Variants in CBLN2 observed in about 807,000 individuals in gnomAD.
CBLN2 encodes cerebellin 2 precursor.
Under a neutral mutation model 15.0 loss-of-function variants are expected in CBLN2, and 7 were observed. That is an observed-to-expected ratio of 0.47 (90% confidence interval 0.27 to 0.88). CBLN2 has a LOEUF of 0.88. Ranked by LOEUF, CBLN2 falls within the 40% of genes least tolerant of loss-of-function variation. The probability of loss-of-function intolerance (pLI) is 0.14; values close to 1 mark genes in which losing one functional copy is unlikely to be tolerated. For synonymous variants in CBLN2, 149 were observed against 135.2 expected (o/e 1.10, Z -0.71); for missense variants, 242 against 304.5 (o/e 0.79, Z 1.53).
chr18:72,630,017 G>A (rs145165201), intron 1 of CBLN2, among the ~76,000 whole-genome samples: 2,498 of 152,194 alleles, frequency 0.016, 37 homozygotes, highest in Non-Finnish European at 0.027. Context: ...TGCTTAAAAA[G>A]GGAAAACAAA....
chr18:72,572,838 ATTG>A (rs1245469493), intron 1 of CBLN2, among the ~76,000 whole-genome samples: 26 of 152,036 alleles, frequency 1.7e-4, no homozygotes, highest in African/African-American at 2.4e-4. Context: ...ACAAAAAATG[ATTG>A]TTATTTTTAT....
chr18:72,544,427 C>T (rs1353258877), upstream of CBLN2: 3 of 152,148 alleles, frequency 2.0e-5, no homozygotes, highest in East Asian at 1.9e-4. Flanking sequence ...CGCTGGGTTT[C>T]CCAGCTGCGC....
chr18:72,560,542 G>A (rs1410030588), intron 1 of CBLN2, among the ~76,000 whole-genome samples: 3 of 152,236 alleles, frequency 2.0e-5, no homozygotes, highest in East Asian at 1.9e-4. Context: ...AGACTCATTC[G>A]CAAATTGCTC....
chr18:72,630,656 C>T (rs539501042), intron 1 of CBLN2, among the ~76,000 whole-genome samples: 78 of 151,142 alleles, frequency 5.2e-4, no homozygotes, highest in Non-Finnish European at 5.7e-4. Flanking sequence ...GGACACTTAG[C>T]CTGTTGACAG....
chr18:72,614,479 C>A (rs1452608584), intron 1 of CBLN2, among the ~76,000 whole-genome samples: 2 of 151,952 alleles, frequency 1.3e-5, no homozygotes, highest in African/African-American at 4.8e-5. Context: ...TTTTGGTGTA[C>A]ATTAGGACTT....
Position 72,538,683 on chromosome 18 carries a change from C to A in CBLN2, c.447G>T (p.Val149=). The A allele has an allele frequency of 6.2e-7, 1 of 1,613,948 alleles. No individual in the cohort carries two copies. The highest frequency in any genetic ancestry group is 8.5e-7 in the Non-Finnish European group (1 of 1,179,982). Residue 149 remains valine (V), a synonymous_variant, in exon 4 of 5, where the codon GTG becomes GTT. Coordinates refer to ENST00000269503, the MANE Select transcript of CBLN2 (RefSeq NM_182511.4). ...TGGTTTGTCTGTTATACACTTTGAC[C>A]ACGTGGAAGCTGAAGCTATAAATCC... ...RKGIYSFSFH[V]VKVYNRQTIQ... is the part of the protein sequence containing the mutation.
intron 1 of CBLN2, among the ~76,000 whole-genome samples, chr18:72,553,110 T>A (rs2069201376): frequency 6.6e-6 from 1 of 152,172 alleles, no homozygotes; most frequent in African/African-American, 2.4e-5. Flanking sequence ...TTTTACAGAA[T>A]GGATTACACA....
chr18:72,573,373 G>T (rs1568120837), intron 1 of CBLN2, among the ~76,000 whole-genome samples: 1 of 152,156 alleles, frequency 6.6e-6, no homozygotes, highest in African/African-American at 2.4e-5. Flanking sequence ...AAAACAGTAG[G>T]AGTGTCACAC....
At chr18:72,595,004 GT>G (rs892285036) in intron 1 of CBLN2, among the ~76,000 whole-genome samples, 88 of 130,792 alleles carry the variant, frequency 6.7e-4, no homozygotes, top group African/African-American at 8.7e-4. Context: ...TTTGTATTGT[GT>G]TTTTTTTTTC....
chr18:72,610,293 T>C (rs944629052), intron 1 of CBLN2, among the ~76,000 whole-genome samples: 1 of 152,134 alleles, frequency 6.6e-6, no homozygotes, highest in Non-Finnish European at 1.5e-5. Flanking sequence ...TGCAGTGCTG[T>C]TCTCTAGGGT....
chr18:72,608,292 G>A (rs1482878843), intron 1 of CBLN2, among the ~76,000 whole-genome samples: 2 of 152,120 alleles, frequency 1.3e-5, no homozygotes, highest in African/African-American at 2.4e-5. Context: ...GGGGATAAGT[G>A]CAGGGAGAAT....
chr18:72,607,919 C>T (rs946643155), intron 1 of CBLN2, among the ~76,000 whole-genome samples: 2 of 152,138 alleles, frequency 1.3e-5, no homozygotes, highest in African/African-American at 2.4e-5. Context: ...TAATCAGTAC[C>T]TTTCTGGCAG....
chr18:72,553,527 A>T (rs75941991), intron 1 of CBLN2, among the ~76,000 whole-genome samples: 2 of 152,200 alleles, frequency 1.3e-5, no homozygotes, highest in African/African-American at 4.8e-5. Flanking sequence ...ACGTGTACAT[A>T]TATATTACAA....
At chr18:72,559,679 A>T (rs1305564885) in intron 1 of CBLN2, among the ~76,000 whole-genome samples, 2 of 152,236 alleles carry the variant, frequency 1.3e-5, no homozygotes, top group East Asian at 3.8e-4. Context: ...ATTTAAAATG[A>T]ATTCACCGCT....
intron 1 of CBLN2, among the ~76,000 whole-genome samples, chr18:72,609,034 GTAT>G (rs1414387093): frequency 1.3e-5 from 2 of 152,108 alleles, no homozygotes; most frequent in African/African-American, 4.8e-5. Flanking sequence ...TTTGACATGG[GTAT>G]TATTACAATT....
intron 1 of CBLN2, among the ~76,000 whole-genome samples, chr18:72,553,495 G>GATAT (rs2069204572): frequency 6.9e-6 from 1 of 144,410 alleles, no homozygotes. Context: ...TAGATAGATA[G>GATAT]ATAGATATGA....
intron 1 of CBLN2, among the ~76,000 whole-genome samples, chr18:72,584,490 G>C (rs2069428974): frequency 6.6e-6 from 1 of 151,370 alleles, no homozygotes; most frequent in African/African-American, 2.4e-5. Context: ...TTTTAGTAGA[G>C]CTAGGGTTTC....
intron 1 of CBLN2, among the ~76,000 whole-genome samples, chr18:72,608,507 T>G (rs1246745641): frequency 6.6e-6 from 1 of 152,236 alleles, no homozygotes; most frequent in East Asian, 1.9e-4. Context: ...TTTCCTGATC[T>G]GATCTTATGG....
chr18:72,566,249 A>G (rs2069294275), intron 1 of CBLN2, among the ~76,000 whole-genome samples: 2 of 152,196 alleles, frequency 1.3e-5, no homozygotes, highest in South Asian at 2.1e-4. Context: ...ATTATGAAAA[A>G]CAGTATGGAA....
Sources: allele counts gnomAD v4.1 joint callset (sites outside exome capture counted in the v4.1 genomes callset), GRCh38; gene constraint gnomAD v4.1.1; transcripts MANE v1.5; gene names NCBI Gene and HGNC (gene_info 2026-07-23, HGNC 2026-07-21).